BRWD3: variants seen among roughly 807,000 people sequenced by gnomAD.
BRWD3 encodes bromodomain and WD repeat-containing protein 3.
A neutral mutation model predicts 149.7 loss-of-function variants in BRWD3; 10 were observed. The ratio of observed to expected loss-of-function variants is 0.07; its 90% CI spans 0.04 to 0.11. The LOEUF (loss-of-function observed/expected upper bound fraction) is 0.11. BRWD3 is among the 10% of genes least tolerant of loss of function. The probability of loss-of-function intolerance (pLI) is 1.00; values close to 1 mark genes in which losing one functional copy is unlikely to be tolerated. For missense variants in BRWD3, 940 were observed against 1,373.2 expected, an observed-to-expected ratio of 0.68 and a Z score of 4.99; for synonymous variants, 504 against 456.7, an observed-to-expected ratio of 1.10 and a Z score of -1.32.
chrX:80,710,187 A>G, intron 20 of BRWD3: 1 of 478,650 alleles, frequency 2.1e-6, no homozygotes. Flanking sequence ...ATGTGCCAGG[A>G]GTGTTTCGAT....
At chrX:80,719,060 A>AT (rs11312634) in intron 18 of BRWD3, among the ~76,000 whole-genome samples, 32 of 104,921 alleles carry the variant, frequency 3.0e-4, no homozygotes, top group South Asian at 1.7e-3. Flanking sequence ...TCTTCAGTGT[A>AT]TTTTTTTTTT....
rs972225511 is a variant in BRWD3, at chrX:80,713,676, A to G, written c.2325+2481T>C. On this transcript the variant is annotated intron_variant, in intron 20 of 40. Transcript: ENST00000373275. The stretch of plus-strand genomic sequence containing the variant: ...AATCCCCCTCTGCGAGAGACACCCA[A>G]GAATGATCAATAAAAAAATAAAAAA... Among the ~76,000 whole-genome samples the G allele has an allele frequency of 4.5e-5, 5 of 110,795 alleles. No homozygotes were observed. In the Admixed American group the frequency reaches 4.8e-4, roughly 11 times the overall value.
In BRWD3 at chrX:80,776,995, C is replaced by T. The variant is rs541814085; in HGVS notation, c.430+14859G>A. 1.7e-4 allele frequency among the ~76,000 whole-genome samples: 19 copies of T among 110,588 alleles called. 1 individual carries two copies. The South Asian group carries it at 7.4e-3, about 43-fold the overall frequency. On this transcript the variant is annotated intron_variant, in intron 6 of 40. Coordinates refer to ENST00000373275, the MANE Select transcript of BRWD3 (RefSeq NM_153252.5). The stretch of plus-strand genomic sequence containing the variant: ...TCATTGTTACTTGGGAGTTTACTCG[C>T]TCACTATACATAAATACATCTGATT...
In BRWD3 at chrX:80,699,968, T is replaced by C; in HGVS notation, c.2932A>G (p.Met978Val). ...VNLQKQPWNK[M>V]DLREQEFVKI... ...TTTGGCAAACTTACCCTGAGATCCA[T>C]TTTGTTCCATGGCTGTTTTTGTAAA... Residue 978 changes from methionine (M) to valine (V), a missense_variant, in exon 25 of 41, where the codon ATG becomes GTG. Met to Val is a conservative substitution (Grantham distance 21, BLOSUM62 1). Around this residue, in one of 6 missense-constraint regions of BRWD3, gnomAD observed 158 missense variants for 284.0 expected, o/e 0.56. Coordinates refer to ENST00000373275, the MANE Select transcript of BRWD3 (RefSeq NM_153252.5). 5 of 1,206,484 alleles carry C rather than the reference T, an allele frequency of 4.1e-6. No homozygotes were observed. The highest frequency in any genetic ancestry group is 3.4e-6 in the Non-Finnish European group (3 of 891,603).
chrX:80,775,190 C>T (rs1195496300), intron 6 of BRWD3, among the ~76,000 whole-genome samples: 1 of 111,429 alleles, frequency 9.0e-6, no homozygotes, highest in African/African-American at 3.3e-5. Context: ...CAACTGAGAC[C>T]AAATGTTCCA....
chrX:80,686,957 G>A lies in BRWD3; in HGVS notation c.3911C>T (p.Ala1304Val). ...RRQSLKCNPDAWKKQCKELLS... is the reference protein window; with the variant it reads ...RRQSLKCNPDVWKKQCKELLS... Reference sequence around the variant, plus strand: ...TAGTTCCTTGCATTGTTTTTTCCAAGCATCAGGATTACACTTTAAAGACTG... The same window carrying A: ...TAGTTCCTTGCATTGTTTTTTCCAAACATCAGGATTACACTTTAAAGACTG... Residue 1304 changes from alanine to valine, a missense_variant, in exon 35 of 41, where the codon GCT becomes GTT. Physicochemically the swap from Ala to Val is moderately conservative, Grantham distance 64. Transcript: ENST00000373275. 1.7e-6 allele frequency: 2 copies of A among 1,209,365 alleles called. No individual in the cohort carries two copies. The highest frequency in any genetic ancestry group is 2.2e-6 in the Non-Finnish European group (2 of 893,962).
At chrX:80,713,177 C>T (rs1272023733) in intron 20 of BRWD3, among the ~76,000 whole-genome samples, 13 of 110,700 alleles carry the variant, frequency 1.2e-4, no homozygotes, top group East Asian at 2.9e-4. Context: ...GCCACCACCC[C>T]GTCTGGGAGG....
chrX:80,769,842 T>C (rs1208035760), intron 6 of BRWD3, among the ~76,000 whole-genome samples: 2 of 109,028 alleles, frequency 1.8e-5, no homozygotes, highest in African/African-American at 6.7e-5. Flanking sequence ...ACAAAACCGA[T>C]AGACCACTAG....
At position 80,670,109 on chromosome X, in the gene BRWD3, T is replaced by C. The variant is rs984597123; in HGVS notation, c.*6500A>G. On this transcript the variant is annotated 3_prime_UTR_variant, in exon 41 of 41. Transcript: ENST00000373275. ...TCACAGATGGCAAAGAAAAATCTAT[T>C]AAAGTTACATAGAAAGGAAAGGAAA... is the stretch of plus-strand genomic sequence containing the variant. Among the ~76,000 whole-genome samples, 9 of 111,555 alleles carry C rather than the reference T, an allele frequency of 8.1e-5. No homozygotes were observed. The South Asian group carries it at 1.1e-3, about 14-fold the overall frequency.
intron 6 of BRWD3, among the ~76,000 whole-genome samples, chrX:80,777,419 G>A (rs1367862594): frequency 1.8e-5 from 2 of 110,945 alleles, no homozygotes; most frequent in Non-Finnish European, 3.8e-5. Context: ...TTGAGACAGG[G>A]TCTCACTCTG....
At chrX:80,802,082 A>T (rs1179417915) in intron 4 of BRWD3, among the ~76,000 whole-genome samples, 3 of 112,321 alleles carry the variant, frequency 2.7e-5, no homozygotes, top group African/African-American at 9.7e-5. Flanking sequence ...TCTGAGTTCA[A>T]TTCTGACACT....
In BRWD3 at chrX:80,809,007, C is replaced by T; in HGVS notation, c.120+6G>A. 1 of 1,198,632 alleles carries T rather than the reference C, an allele frequency of 8.3e-7. No individual in the cohort carries two copies. Among genetic ancestry groups the T allele is most frequent in the Non-Finnish European group, 1.1e-6 (1 of 888,742 alleles). ...CCTCCCCACCCTTCCCGAAGGGGCT[C>T]CGTACCTGATGCTCCTCGAGCTCCT... On this transcript the variant is annotated splice_donor_region_variant and intron_variant, in intron 3 of 40. Transcript: ENST00000373275.
At chrX:80,798,401 T>C (rs2074259604) in intron 4 of BRWD3, among the ~76,000 whole-genome samples, 1 of 111,275 alleles carries the variant, frequency 9.0e-6, no homozygotes, top group Admixed American at 9.6e-5. Context: ...TAGTTTTTTT[T>C]TTACATTTTT....
intron 28 of BRWD3, among the ~76,000 whole-genome samples, chrX:80,692,642 A>T (rs1354794459): frequency 8.9e-6 from 1 of 112,380 alleles, no homozygotes; most frequent in Non-Finnish European, 1.9e-5. Context: ...TCCCATTAAA[A>T]AATAGTTGCA....
At chrX:80,784,564 T>C (rs1050877496) in intron 6 of BRWD3, among the ~76,000 whole-genome samples, 1 of 110,586 alleles carries the variant, frequency 9.0e-6, no homozygotes, top group African/African-American at 3.3e-5. Context: ...GAGGCCCTGG[T>C]GTGTGTTGTT....
intron 6 of BRWD3, among the ~76,000 whole-genome samples, chrX:80,788,971 A>G (rs932357582): frequency 1.8e-5 from 2 of 112,213 alleles, no homozygotes; most frequent in Non-Finnish European, 3.8e-5. Flanking sequence ...AAAATGTTCC[A>G]TATTTTATTG....
At chrX:80,780,892 T>C (rs2074049522) in intron 6 of BRWD3, among the ~76,000 whole-genome samples, 1 of 112,323 alleles carries the variant, frequency 8.9e-6, no homozygotes, top group Non-Finnish European at 1.9e-5. Context: ...TTAGACTACT[T>C]TCTTTCCATT....
intron 20 of BRWD3, chrX:80,710,623 T>C (rs1602334430): frequency 3.7e-6 from 2 of 545,578 alleles, no homozygotes; most frequent in East Asian, 8.4e-5. Context: ...CTGGAAGGTC[T>C]TGAAGAAAGG....
intron 25 of BRWD3, among the ~76,000 whole-genome samples, chrX:80,697,258 T>C (rs980118212): frequency 1.8e-5 from 2 of 111,951 alleles, no homozygotes; most frequent in African/African-American, 6.5e-5. Context: ...GGTATATATG[T>C]ACGTGTACAT....
Sources: gnomAD v4.1 joint callset for allele counts (sites outside exome capture counted in the v4.1 genomes callset) on GRCh38, gnomAD v4.1.1 for gene constraint, gnomAD v4.1.1 regional missense constraint, MANE v1.5 for transcripts, NCBI Gene and HGNC (gene_info 2026-07-23, HGNC 2026-07-21) for gene names.